TYW3: variants seen among roughly 807,000 people sequenced by gnomAD.
TYW3 encodes the protein tRNA wybutosine-synthesizing protein 3 homolog.
A neutral mutation model predicts 23.1 loss-of-function variants in TYW3; 26 were observed. That is an observed-to-expected ratio of 1.13 (90% CI 0.83 to 1.56). The LOEUF is 1.56. Ranked by LOEUF, TYW3 falls within the 40% of genes most tolerant of loss-of-function variation. The pLI, the probability that TYW3 is intolerant of heterozygous loss-of-function variation, is 0.00. For synonymous variants in TYW3, 102 were observed against 105.7 expected (o/e 0.97, Z 0.21); for missense variants, 316 against 311.9 (o/e 1.01, Z -0.10).
intron 5 of TYW3, among the ~76,000 whole-genome samples, chr1:74,762,298 TCAAA>T (rs1464291475): frequency 2.0e-5 from 3 of 152,080 alleles, no homozygotes; most frequent in Admixed American, 1.3e-4. Context: ...GTTTATTGAA[TCAAA>T]CAAAGATGAA....
At chr1:74,761,077 T>C (rs63319061) in intron 5 of TYW3, among the ~76,000 whole-genome samples, 1 of 147,954 alleles carries the variant, frequency 6.8e-6, no homozygotes, top group South Asian at 2.1e-4. Context: ...TTTTTTTTTT[T>C]CCTTAAATCT....
At chr1:74,752,563 A>G in intron 5 of TYW3, 138 bp downstream of exon 5, 4 of 775,422 alleles carry the variant, frequency 5.2e-6, no homozygotes, top group Non-Finnish European at 7.6e-6. Context: ...TATTATCATT[A>G]ATAATAAAAA....
At chr1:74,752,161 C>A in intron 4 of TYW3, 131 bp from the exon 5 acceptor site, 1 of 889,890 alleles carries the variant, frequency 1.1e-6, no homozygotes, top group Non-Finnish European at 1.6e-6. Context: ...TAAATTCTAT[C>A]AAAGCGCTAA....
At position 74,748,814 on chromosome 1, in the gene TYW3, A is replaced by C. The variant is rs774095411; in HGVS notation, c.418A>C (p.Thr140Pro). 5.0e-6 allele frequency: 8 copies of C among 1,613,924 alleles called. No homozygotes were observed. The highest frequency in any genetic ancestry group is 2.2e-5 in the East Asian group (1 of 44,844). Residue 140 changes from threonine (T) to proline (P), a missense_variant, in exon 4 of 6, where the codon ACT becomes CCT. By Grantham distance (38) the Thr-to-Pro change is conservative (BLOSUM62 -1). Coordinates refer to ENST00000370867, the MANE Select transcript of TYW3 (RefSeq NM_138467.3). ...SGITVGKRGKTMLAVRSTHGL... is the reference protein window; with the variant it reads ...SGITVGKRGKPMLAVRSTHGL... ...CATAACGGTGGGAAAGAGAGGAAAA[A>C]CTATGTTGGTAAGATATTTTGTCAA...
chr1:74,733,185 C>T lies in TYW3; in HGVS notation c.-60C>T. 1 of 1,581,346 alleles carries T rather than the reference C, an allele frequency of 6.3e-7. No homozygotes were observed. The highest frequency in any genetic ancestry group is 8.6e-7 in the Non-Finnish European group (1 of 1,163,798). On this transcript the variant is annotated 5_prime_UTR_variant, in exon 1 of 6. Coordinates refer to ENST00000370867, the MANE Select transcript of TYW3 (RefSeq NM_138467.3). The stretch of plus-strand genomic sequence containing the variant: ...CCACCGCTCGCTTCAATATGGCTGC[C>T]CCCAGGGAGAGACGAGGCTACCATG...
intron 3 of TYW3, among the ~76,000 whole-genome samples, chr1:74,747,660 A>G (rs1438278527): frequency 6.6e-6 from 1 of 151,408 alleles, no homozygotes; most frequent in African/African-American, 2.4e-5. Flanking sequence ...AGAAAAAGAA[A>G]AAAAGAAAAG....
intron 3 of TYW3, among the ~76,000 whole-genome samples, chr1:74,747,942 T>C (rs775203411): frequency 1.3e-5 from 2 of 152,108 alleles, no homozygotes; most frequent in Non-Finnish European, 2.9e-5. Context: ...TATGTGTGTA[T>C]ATATGGTATT....
At chr1:74,747,931 A>G (rs1480516699) in intron 3 of TYW3, among the ~76,000 whole-genome samples, 1 of 152,080 alleles carries the variant, frequency 6.6e-6, no homozygotes, top group Non-Finnish European at 1.5e-5. Context: ...ATATATACAT[A>G]TATGTGTGTA....
chr1:74,756,131 A>C (rs1648946518), intron 5 of TYW3, among the ~76,000 whole-genome samples: 1 of 152,126 alleles, frequency 6.6e-6, no homozygotes, highest in Admixed American at 6.6e-5. Context: ...TTCTTTTGTA[A>C]ATTGCCCGGT....
intron 4 of TYW3, among the ~76,000 whole-genome samples, chr1:74,751,593 C>T (rs1648788301): frequency 2.0e-5 from 3 of 151,874 alleles, no homozygotes; most frequent in South Asian, 4.1e-4. Flanking sequence ...TCGCTTGAAC[C>T]TGGGAGGCGG....
At chr1:74,733,680 A>T in intron 1 of TYW3, 1 of 560,942 alleles carries the variant, frequency 1.8e-6, no homozygotes, top group East Asian at 1.5e-4. Flanking sequence ...TGCATTTCTA[A>T]CAAGTGCCCA....
chr1:74,764,294 G>A lies in TYW3; in HGVS notation c.*181G>A, dbSNP rs1649227165. The A allele has an allele frequency of 1.9e-6, 1 of 521,894 alleles. No individual in the cohort carries two copies. The highest frequency in any genetic ancestry group is 1.9e-5 in the African/African-American group (1 of 51,310). 32.3% of individuals were successfully genotyped at this position (521,894 alleles called of 1,614,324 possible). The stretch of plus-strand genomic sequence containing the variant: ...TGTGCAGTTGTCATCTAAGCTCTCA[G>A]CAGTACCCGGCTTATCCTACGACTT... On this transcript the variant is annotated 3_prime_UTR_variant, in exon 6 of 6. Transcript: ENST00000370867.
intron 3 of TYW3, 124 bp from the exon 4 acceptor site, chr1:74,748,627 C>A: frequency 1.1e-6 from 1 of 899,758 alleles, no homozygotes; most frequent in Non-Finnish European, 1.7e-6. Context: ...ATTGGCTAGA[C>A]GAAAAATTTT....
Position 74,764,422 on chromosome 1 carries a change from C to A in TYW3, c.*309C>A. Reference sequence around the variant, plus strand: ...TGAATGGTGTCTTATTCTGAAATAACCTGACCTAAGACAGGTATTTAGATT... The same window carrying A: ...TGAATGGTGTCTTATTCTGAAATAAACTGACCTAAGACAGGTATTTAGATT... On this transcript the variant is annotated 3_prime_UTR_variant, in exon 6 of 6. Transcript: ENST00000370867. 1 of 222,056 alleles carries A rather than the reference C, an allele frequency of 4.5e-6. No homozygotes were observed. The highest frequency in any genetic ancestry group is 8.8e-6 in the Non-Finnish European group (1 of 114,166). 13.8% of individuals were successfully genotyped at this position (222,056 alleles called of 1,614,324 possible).
At chr1:74,744,455 T>C (rs550490698) in intron 3 of TYW3, among the ~76,000 whole-genome samples, 1 of 152,222 alleles carries the variant, frequency 6.6e-6, no homozygotes, top group East Asian at 1.9e-4. Context: ...TTAGGATGCA[T>C]TTCAAGGGTG....
At position 74,763,954 on chromosome 1, in the gene TYW3, G is replaced by T. The variant is rs761455064; in HGVS notation, c.621G>T (p.Lys207Asn). 1.2e-6 allele frequency: 2 copies of T among 1,609,096 alleles called. No homozygotes were observed. The highest frequency in any genetic ancestry group is 2.2e-5 in the South Asian group (2 of 89,460). ...AAACGATGACTAACTTACATCCCAA[G>T]ATCAAAGAGAAAAATAACTCATCAT... The part of the protein sequence containing the change: ...ERETMTNLHP[K>N]IKEKNNSSYI... The change falls in exon 6 of 6, where the codon AAG (lysine) becomes AAT (asparagine). Residue 207 changes from lysine (K) to asparagine (N), a missense_variant. By Grantham distance (94) the Lys-to-Asn change is moderately conservative (BLOSUM62 0). Coordinates refer to ENST00000370867, the MANE Select transcript of TYW3 (RefSeq NM_138467.3).
chr1:74,754,701 A>C (rs1164732990), intron 5 of TYW3, among the ~76,000 whole-genome samples: 1 of 152,098 alleles, frequency 6.6e-6, no homozygotes, highest in Admixed American at 6.5e-5. Context: ...GAGGTAGAAT[A>C]TTTTTAATAA....
rs182228385 is a variant in TYW3 at position 74,764,967 on chromosome 1, T to C, written c.*854T>C. The C allele has an allele frequency of 1.3e-5, 2 of 152,306 alleles. No individual in the cohort carries two copies. The highest frequency in any genetic ancestry group is 1.9e-4 in the East Asian group (1 of 5,174). 9.4% of individuals were successfully genotyped at this position (152,306 alleles called of 1,614,324 possible). The stretch of plus-strand genomic sequence containing the variant: ...CCAACTGTGAAGGGCCGTTCTAATC[T>C]AGCATGGAGGTAGACAGTGTTTCCT... On this transcript the variant is annotated 3_prime_UTR_variant, in exon 6 of 6. Coordinates refer to ENST00000370867, the MANE Select transcript of TYW3 (RefSeq NM_138467.3).
chr1:74,744,514 C>T (rs72973608), intron 3 of TYW3, among the ~76,000 whole-genome samples: 7,181 of 152,140 alleles, frequency 0.047, 322 homozygotes, highest in African/African-American at 0.12. Context: ...GGTATTTAGC[C>T]CCCAAATTCT....
Sources: allele counts gnomAD v4.1 joint callset (sites outside exome capture counted in the v4.1 genomes callset), GRCh38; gene constraint gnomAD v4.1.1; transcripts MANE v1.5; gene names NCBI Gene and HGNC (gene_info 2026-07-23, HGNC 2026-07-21).